Variants in SLC1A7 observed in about 807,000 individuals in gnomAD.
SLC1A7 encodes the protein excitatory amino acid transporter 5.
A neutral mutation model predicts 47.7 loss-of-function variants in SLC1A7; 40 were observed. The observed-to-expected ratio is 0.84, with a 90% CI of 0.65 to 1.09. SLC1A7 has a LOEUF of 1.09. SLC1A7 is among the 50% of genes least tolerant of loss of function. The pLI is 0.00. For synonymous variants in SLC1A7, 323 were observed against 325.6 expected, an observed-to-expected ratio of 0.99 and a Z score of 0.09; for missense variants, 746 against 769.5, an observed-to-expected ratio of 0.97 and a Z score of 0.36.
intron 5 of SLC1A7, among the ~76,000 whole-genome samples, chr1:53,098,659 T>C (rs1644531148): frequency 2.1e-5 from 3 of 145,062 alleles, no homozygotes; most frequent in African/African-American, 7.8e-5. Flanking sequence ...CTCGGTACAC[T>C]CACTCTGCCT....
intron 1 of SLC1A7, among the ~76,000 whole-genome samples, chr1:53,138,981 T>C (rs2150348677): frequency 6.6e-6 from 1 of 152,340 alleles, no homozygotes; most frequent in East Asian, 1.9e-4. Flanking sequence ...CCTCCCCGCC[T>C]TGTCTCTGCT....
Position 53,110,099 on chromosome 1 carries a change from C to T in SLC1A7, c.432-4325G>A, listed in dbSNP as rs537732110. On this transcript the variant is annotated intron_variant, in intron 3 of 10. Transcript: ENST00000371494. ...GTTGGGCTCTGCCCAGCCCTCCCAACCTCATCTCCCAGAACCCACCTCCAG... is the reference window on the plus strand; with the variant it reads ...GTTGGGCTCTGCCCAGCCCTCCCAATCTCATCTCCCAGAACCCACCTCCAG... Among the ~76,000 whole-genome samples, 6 of 152,338 alleles carry T rather than the reference C, an allele frequency of 3.9e-5. No individual in the cohort carries two copies. In the South Asian group the frequency reaches 1.2e-3, roughly 32 times the overall value.
chr1:53,106,137 G>A (rs912340127), intron 3 of SLC1A7, among the ~76,000 whole-genome samples: 16 of 149,986 alleles, frequency 1.1e-4, no homozygotes, highest in Non-Finnish European at 1.6e-4. Flanking sequence ...TGTGTAGGTC[G>A]CTGCTGCTCC....
At chr1:53,140,084 C>T (rs1283579263) in intron 1 of SLC1A7, among the ~76,000 whole-genome samples, 1 of 152,202 alleles carries the variant, frequency 6.6e-6, no homozygotes, top group African/African-American at 2.4e-5. Context: ...TTCTGAGTCA[C>T]AGGCAAAGAG....
Position 53,114,887 on chromosome 1 carries a change from A to C in SLC1A7, c.302T>G (p.Phe101Cys). Reference protein sequence around the residue: ...LTVAYYLWTTFMAVIVGIFMV... With the variant: ...LTVAYYLWTTCMAVIVGIFMV... ...GAAGATGCCCACGATGACAGCCATGAAGGTGGTCCACAGGTAGTACGCCAC... is the reference window on the plus strand; with the variant it reads ...GAAGATGCCCACGATGACAGCCATGCAGGTGGTCCACAGGTAGTACGCCAC... Residue 101 changes from phenylalanine to cysteine, a missense_variant, in exon 3 of 11, where the codon TTC becomes TGC. Coordinates refer to ENST00000371494, the MANE Select transcript of SLC1A7 (RefSeq NM_006671.6). 6.2e-7 allele frequency: 1 copy of C among 1,614,188 alleles called. No homozygotes were observed. Among genetic ancestry groups the C allele is most frequent in the Non-Finnish European group, 8.5e-7 (1 of 1,180,020 alleles).
chr1:53,098,557 C>G (rs1268756417), intron 5 of SLC1A7, among the ~76,000 whole-genome samples: 3 of 151,570 alleles, frequency 2.0e-5, no homozygotes, highest in Non-Finnish European at 4.4e-5. Context: ...CACCATCCAC[C>G]TCAGCATACT....
chr1:53,089,724 C>T, intron 9 of SLC1A7, 76 bp downstream of exon 9: 2 of 1,512,082 alleles, frequency 1.3e-6, no homozygotes. Flanking sequence ...AGGGACTCAG[C>T]CGCTCACCCT....
chr1:53,114,539 A>G (rs1644734593), intron 3 of SLC1A7: 2 of 580,712 alleles, frequency 3.4e-6, no homozygotes, highest in Non-Finnish European at 6.2e-6. Context: ...ATCCACAGGC[A>G]GAGAGGGGCA....
chr1:53,109,077 C>A (rs2150329042), intron 3 of SLC1A7, among the ~76,000 whole-genome samples: 1 of 152,180 alleles, frequency 6.6e-6, no homozygotes, highest in East Asian at 1.9e-4. Context: ...CTATCAAATA[C>A]CCACACACTC....
At chr1:53,090,570 C>CA (rs753276955) in intron 8 of SLC1A7, 42 bp downstream of exon 8, 1 of 1,512,202 alleles carries the variant, frequency 6.6e-7, no homozygotes, top group Non-Finnish European at 8.9e-7. Context: ...CCAAGGCCCC[C>CA]AGCCCCCGCC....
In SLC1A7 at chr1:53,088,171, C is replaced by T; in HGVS notation, c.1521G>A (p.Gln507=). Reference sequence around the variant, plus strand: ...CTACACTCTTCACACAGCCATTCTGCTGGGCTGCCACGATCTCCTGGAGGC... The same window carrying T: ...CTACACTCTTCACACAGCCATTCTGTTGGGCTGCCACGATCTCCTGGAGGC... ...PVSLQEIVAA[Q]QNGCVKSVAE... The change falls in exon 11 of 11, where the codon CAG becomes CAA. Residue 507 remains glutamine (Q), a synonymous_variant. Transcript: ENST00000371494. 1 of 1,613,528 alleles carries T rather than the reference C, an allele frequency of 6.2e-7. No individual in the cohort carries two copies. The highest frequency in any genetic ancestry group is 8.5e-7 in the Non-Finnish European group (1 of 1,179,704).
rs138955039 is a variant in SLC1A7, at chr1:53,134,375, T to C, written c.190A>G (p.Met64Val). 8.3e-3 allele frequency: 13,431 copies of C among 1,613,308 alleles called. 81 individuals carry two copies. The highest frequency in any genetic ancestry group is 9.5e-3 in the Non-Finnish European group (11,213 of 1,179,594). The change falls in exon 2 of 11, where the codon ATG (methionine) becomes GTG (valine). Residue 64 changes from methionine to valine, a missense_variant. Coordinates refer to ENST00000371494, the MANE Select transcript of SLC1A7 (RefSeq NM_006671.6). ...GELLMRMLKMMILPLVVSSLM... is the reference protein window; with the variant it reads ...GELLMRMLKMVILPLVVSSLM... ...CTGGAGACCACCAGTGGCAGGATCA[T>C]CATCTTCAGCATCCTCATCAGGAGC...
At chr1:53,099,707 C>T (rs1232242598) in intron 5 of SLC1A7, among the ~76,000 whole-genome samples, 4 of 151,002 alleles carry the variant, frequency 2.6e-5, no homozygotes, top group African/African-American at 4.9e-5. Flanking sequence ...CACTCACACA[C>T]ACCACCTCGG....
chr1:53,123,780 C>T (rs1644850732), intron 2 of SLC1A7, among the ~76,000 whole-genome samples: 1 of 152,252 alleles, frequency 6.6e-6, no homozygotes, highest in South Asian at 2.1e-4. Flanking sequence ...GGTCTGACCC[C>T]ACCCGCAGCC....
chr1:53,134,280 G>A, intron 2 of SLC1A7, 70 bp downstream of exon 2: 1 of 1,114,462 alleles, frequency 9.0e-7, no homozygotes, highest in Non-Finnish European at 1.3e-6. Flanking sequence ...CACAGCAGGA[G>A]CAGGGCAGCA....
intron 2 of SLC1A7, 99 bp from the exon 3 acceptor site, chr1:53,115,072 A>G: frequency 1.1e-6 from 1 of 871,140 alleles, no homozygotes; most frequent in Non-Finnish European, 1.8e-6. Context: ...CAGCTGCCTC[A>G]CAGTGCTCCA....
rs376321007 is a variant in SLC1A7 at position 53,093,473 on chromosome 1, G to A, written c.785C>T (p.Ala262Val). ...TGAGGAGGCTTACCACACAGCCACC[G>A]CCACGATCTTCATGACCGACTCATT... Reference protein sequence around the residue: ...CLNESVMKIVAVAVWYFPFGI... With the variant: ...CLNESVMKIVVVAVWYFPFGI... The change falls in exon 6 of 11, where the codon GCG (alanine) becomes GTG (valine). Residue 262 changes from alanine (A) to valine (V), a missense_variant. Ala to Val is a moderately conservative substitution (Grantham distance 64). Transcript: ENST00000371494. The A allele has an allele frequency of 2.5e-6, 4 of 1,610,088 alleles. No homozygotes were observed. Among genetic ancestry groups the A allele is most frequent in the South Asian group, 1.1e-5 (1 of 90,370 alleles).
chr1:53,114,469 C>T (rs979300852), intron 3 of SLC1A7: 32 of 449,818 alleles, frequency 7.1e-5, no homozygotes, highest in Non-Finnish European at 1.1e-4. Context: ...CAATAACAGC[C>T]AGCCTCCCAC....
intron 5 of SLC1A7, among the ~76,000 whole-genome samples, chr1:53,097,959 G>A (rs997297474): frequency 1.2e-4 from 16 of 132,140 alleles, no homozygotes; most frequent in Non-Finnish European, 2.6e-4. Flanking sequence ...ACCATGCCTC[G>A]GTACACTCAC....
Sources: gnomAD v4.1 joint callset for allele counts (sites outside exome capture counted in the v4.1 genomes callset) on GRCh38, gnomAD v4.1.1 for gene constraint, MANE v1.5 for transcripts, NCBI Gene and HGNC (gene_info 2026-07-23, HGNC 2026-07-21) for gene names.